SLC14A2: variants seen among roughly 807,000 people sequenced by gnomAD.
SLC14A2 encodes solute carrier family 14 member 2, also known as urea transporter 2.
In SLC14A2, 91 loss-of-function variants were observed where a neutral mutation model predicts 104.6. The ratio of observed to expected loss-of-function variants is 0.87; its 90% confidence interval spans 0.73 to 1.04. The LOEUF is 1.04. Ranked by LOEUF, SLC14A2 falls within the 50% of genes least tolerant of loss-of-function variation. The pLI is 0.00. For synonymous variants in SLC14A2, 476 were observed against 466.4 expected (o/e 1.02, Z -0.27); for missense variants, 1,189 against 1,156.0 (o/e 1.03, Z -0.41).
At chr18:45,266,701 C>A (rs1035937291) in intron 1 of SLC14A2, among the ~76,000 whole-genome samples, 44 of 152,136 alleles carry the variant, frequency 2.9e-4, no homozygotes, top group African/African-American at 1.1e-3. Flanking sequence ...TCACCCTTTG[C>A]AGACACATTG....
intron 2 of SLC14A2, among the ~76,000 whole-genome samples, chr18:45,512,024 G>A (rs973197355): frequency 6.6e-6 from 1 of 152,196 alleles, no homozygotes; most frequent in Non-Finnish European, 1.5e-5. Context: ...TCTCAGGGAA[G>A]GAACCTAGGC....
At chr18:45,239,581 C>T (rs2084289988) in intron 1 of SLC14A2, among the ~76,000 whole-genome samples, 1 of 152,202 alleles carries the variant, frequency 6.6e-6, no homozygotes, top group Non-Finnish European at 1.5e-5. Context: ...GGCAGAGACA[C>T]ATGTTGTACA....
chr18:45,612,391 C>T (rs2044987030), upstream of SLC14A2, among the ~76,000 whole-genome samples: 1 of 152,238 alleles, frequency 6.6e-6, no homozygotes, highest in Non-Finnish European at 1.5e-5. Flanking sequence ...ACCCATCTCT[C>T]TACTGCCTGA....
chr18:45,266,840 T>C (rs907594346), intron 1 of SLC14A2, among the ~76,000 whole-genome samples: 1 of 152,038 alleles, frequency 6.6e-6, no homozygotes. Flanking sequence ...AGGTCAGGGG[T>C]AAGGAATATA....
chr18:45,600,217 T>A (rs1328306043), intron 2 of SLC14A2, among the ~76,000 whole-genome samples: 1 of 152,140 alleles, frequency 6.6e-6, no homozygotes, highest in African/African-American at 2.4e-5. Context: ...TCTTTTTCTC[T>A]CTCCCTCCCT....
chr18:45,508,777 C>G (rs1386388061), intron 2 of SLC14A2, among the ~76,000 whole-genome samples: 1 of 152,190 alleles, frequency 6.6e-6, no homozygotes, highest in Non-Finnish European at 1.5e-5. Context: ...CTCAACTGGA[C>G]TTTATCAAAG....
At chr18:45,314,603 A>T (rs1300405422) in intron 1 of SLC14A2, among the ~76,000 whole-genome samples, 1 of 152,166 alleles carries the variant, frequency 6.6e-6, no homozygotes, top group Non-Finnish European at 1.5e-5. Context: ...CACTGCACCG[A>T]TCTATATCTC....
At chr18:45,619,966 G>A (rs1189238895) in intron 1 of SLC14A2, among the ~76,000 whole-genome samples, 1 of 152,184 alleles carries the variant, frequency 6.6e-6, no homozygotes, top group Non-Finnish European at 1.5e-5. Context: ...ACGCGGCCCC[G>A]AGTGGCAGAG....
intron 1 of SLC14A2, among the ~76,000 whole-genome samples, chr18:45,333,829 T>A (rs964094312): frequency 6.6e-6 from 1 of 152,240 alleles, no homozygotes; most frequent in Non-Finnish European, 1.5e-5. Flanking sequence ...TGCCAAGCAC[T>A]GAGCTCTGTA....
At chr18:45,492,528 G>GA in intron 2 of SLC14A2, among the ~76,000 whole-genome samples, 1 of 152,272 alleles carries the variant, frequency 6.6e-6, no homozygotes, top group Non-Finnish European at 1.5e-5. Flanking sequence ...CAGCATGGAA[G>GA]AAACTGCCCC....
intron 11 of SLC14A2, among the ~76,000 whole-genome samples, chr18:45,665,851 T>C (rs115819963): frequency 6.6e-6 from 1 of 152,196 alleles, no homozygotes; most frequent in African/African-American, 2.4e-5. Context: ...GAGGGCTTCT[T>C]AATTAAAAGT....
intron 1 of SLC14A2, among the ~76,000 whole-genome samples, chr18:45,286,992 T>G (rs2084821401): frequency 6.6e-6 from 1 of 152,208 alleles, no homozygotes; most frequent in Admixed American, 6.5e-5. Context: ...CTGTGTGCAC[T>G]CATTACCCAG....
chr18:45,182,521 A>G, the SLC14A2 span, among the ~76,000 whole-genome samples: 2 of 151,932 alleles, frequency 1.3e-5, no homozygotes, highest in Non-Finnish European at 2.9e-5. Flanking sequence ...GAAAAATATA[A>G]AAAGTAATTA....
intron 2 of SLC14A2, among the ~76,000 whole-genome samples, chr18:45,527,172 G>T (rs978188779): frequency 1.6e-4 from 25 of 152,162 alleles, no homozygotes; most frequent in Admixed American, 6.5e-4. Flanking sequence ...TTGGCTGTCT[G>T]TCCTGGAGAA....
rs2045979178 is a variant in SLC14A2 at position 45,664,312 on chromosome 18, C to T, written c.1474+405C>T. On this transcript the variant is annotated intron_variant, in intron 11 of 19. Transcript: ENST00000255226. Reference sequence around the variant, plus strand: ...AGAGATGAACAGTTCCCATCTATGGCAATGGTGGGGAGGCCAAGGGCACAG... The same window carrying T: ...AGAGATGAACAGTTCCCATCTATGGTAATGGTGGGGAGGCCAAGGGCACAG... Among the ~76,000 whole-genome samples the T allele has an allele frequency of 2.6e-5, 4 of 152,278 alleles. No homozygotes were observed. In the South Asian group the frequency reaches 8.3e-4, roughly 32 times the overall value.
intron 1 of SLC14A2, among the ~76,000 whole-genome samples, chr18:45,459,981 C>G (rs1027800396): frequency 6.6e-6 from 1 of 152,196 alleles, no homozygotes; most frequent in Non-Finnish European, 1.5e-5. Context: ...ACCTGGGGCT[C>G]TCATGTTGCC....
chr18:45,497,135 T>C (rs772004363), intron 2 of SLC14A2, among the ~76,000 whole-genome samples: 1 of 152,152 alleles, frequency 6.6e-6, no homozygotes, highest in Non-Finnish European at 1.5e-5. Context: ...AGTGTGTATA[T>C]GTGTATATAT....
chr18:45,581,326 C>T (rs2044488749), intron 2 of SLC14A2, among the ~76,000 whole-genome samples: 1 of 152,134 alleles, frequency 6.6e-6, no homozygotes, highest in Admixed American at 6.6e-5. Context: ...AAGCAAGGGA[C>T]CCAGGGTCCT....
At chr18:45,344,827 C>T (rs192404075) in intron 1 of SLC14A2, among the ~76,000 whole-genome samples, 67 of 152,276 alleles carry the variant, frequency 4.4e-4, no homozygotes, top group African/African-American at 1.6e-3. Context: ...TCACGTAAAC[C>T]AGTCCAGCCA....
Sources: allele counts gnomAD v4.1 joint callset (sites outside exome capture counted in the v4.1 genomes callset), GRCh38; gene constraint gnomAD v4.1.1; transcripts MANE v1.5; gene names NCBI Gene and HGNC (gene_info 2026-07-23, HGNC 2026-07-21).